Variants in TMPRSS12 observed in about 807,000 individuals in gnomAD.
The protein encoded by TMPRSS12 is transmembrane protease serine 12.
Under a neutral mutation model 26.0 loss-of-function variants are expected in TMPRSS12, and 25 were observed. The ratio of observed to expected loss-of-function variants is 0.96; its 90% CI spans 0.70 to 1.34. TMPRSS12 has a LOEUF of 1.34. Ranked by LOEUF, TMPRSS12 falls within the 40% of genes most tolerant of loss-of-function variation. The pLI is 0.00. For synonymous variants in TMPRSS12, 150 were observed against 161.7 expected (o/e 0.93, Z 0.55); for missense variants, 441 against 440.1 (o/e 1.00, Z -0.02).
Position 50,880,966 on chromosome 12 carries a change from C to CTTTTTTTTTTTT in TMPRSS12, c.653-4258_653-4247dup, listed in dbSNP as rs869152225. On this transcript the variant is annotated intron_variant, in intron 3 of 4. Coordinates refer to ENST00000398458, the MANE Select transcript of TMPRSS12 (RefSeq NM_182559.3). ...CTATAGAGACAGGAATCAGTAATTT[C>CTTTTTTTTTTTT]TTTTTTTTTTTTTTTTTTTTTTTTT... is the stretch of plus-strand genomic sequence containing the variant. Among the ~76,000 whole-genome samples the CTTTTTTTTTTTT allele has an allele frequency of 4.4e-4, 27 of 61,800 alleles. 1 individual carries two copies. Among genetic ancestry groups the CTTTTTTTTTTTT allele is most frequent in the Non-Finnish European group, 5.7e-4 (20 of 34,862 alleles). 40.5% of individuals were successfully genotyped at this position (61,800 alleles called of 152,430 possible). A position where few individuals can be genotyped will look rare whatever the true frequency, so the allele number is the denominator to read the frequency against.
In TMPRSS12 at chr12:50,887,479, C is replaced by G. The variant is rs929182892; in HGVS notation, c.1013C>G (p.Ala338Gly). 4.3e-5 allele frequency: 70 copies of G among 1,613,458 alleles called. No individual in the cohort carries two copies. Among genetic ancestry groups the G allele is most frequent in the Non-Finnish European group, 5.3e-5 (63 of 1,179,756 alleles). The change falls in exon 5 of 5, where the codon GCT becomes GGT. Residue 338 changes from alanine to glycine, a missense_variant. By Grantham distance (60) the Ala-to-Gly change is moderately conservative. Transcript: ENST00000398458. The stretch of plus-strand genomic sequence containing the variant: ...ATTTTACGTGGCCAGATCCTCATAG[C>G]TTTATGTTTTGTCATCTTACTAGCA... ...INILRGQILI[A>G]LCFVILLATT
chr12:50,870,707 A>T (rs1938034181), intron 3 of TMPRSS12, among the ~76,000 whole-genome samples: 1 of 152,294 alleles, frequency 6.6e-6, no homozygotes, highest in Admixed American at 6.5e-5. Flanking sequence ...AAAACCCTAA[A>T]GACTCCTCCA....
chr12:50,879,643 T>C (rs1196562429), intron 3 of TMPRSS12, among the ~76,000 whole-genome samples: 1 of 152,178 alleles, frequency 6.6e-6, no homozygotes, highest in Non-Finnish European at 1.5e-5. Context: ...CATGTGTAAA[T>C]TGTTATCATT....
intron 3 of TMPRSS12, among the ~76,000 whole-genome samples, chr12:50,884,336 G>C (rs1456020565): frequency 2.6e-5 from 4 of 152,190 alleles, no homozygotes; most frequent in Non-Finnish European, 5.9e-5. Context: ...ATTAGTCACA[G>C]ATGATGTAAC....
chr12:50,876,150 T>G (rs1206746500), intron 3 of TMPRSS12, among the ~76,000 whole-genome samples: 3 of 151,888 alleles, frequency 2.0e-5, no homozygotes, highest in East Asian at 1.9e-4. Context: ...CATGAAAAAA[T>G]GTTAAACATC....
chr12:50,866,038 G>A (rs1247106082), intron 3 of TMPRSS12, among the ~76,000 whole-genome samples: 1 of 152,172 alleles, frequency 6.6e-6, no homozygotes, highest in Non-Finnish European at 1.5e-5. Context: ...ATGGCAGATG[G>A]GAGCCAGAAC....
intron 4 of TMPRSS12, 171 bp downstream of exon 4, chr12:50,885,559 C>G: frequency 1.2e-6 from 1 of 818,786 alleles, no homozygotes; most frequent in South Asian, 1.5e-5. Context: ...GTTCCTGATT[C>G]CATGGTTTCT....
chr12:50,884,666 G>A (rs1429221633), intron 3 of TMPRSS12, among the ~76,000 whole-genome samples: 2 of 152,078 alleles, frequency 1.3e-5, no homozygotes, highest in African/African-American at 4.8e-5. Flanking sequence ...GAAGTCAGGA[G>A]TTCGAGAACA....
chr12:50,844,974 G>A (rs1277819799), intron 2 of TMPRSS12, among the ~76,000 whole-genome samples: 1 of 152,158 alleles, frequency 6.6e-6, no homozygotes, highest in East Asian at 1.9e-4. Context: ...ATCACTTGAG[G>A]CCAGGAGTTT....
At chr12:50,844,553 T>C (rs1257880321) in intron 2 of TMPRSS12, among the ~76,000 whole-genome samples, 2 of 152,026 alleles carry the variant, frequency 1.3e-5, no homozygotes, top group Admixed American at 6.5e-5. Flanking sequence ...TTTGTATTTT[T>C]AGTAGAAAAG....
intron 2 of TMPRSS12, among the ~76,000 whole-genome samples, chr12:50,844,594 T>C (rs1937750449): frequency 6.6e-6 from 1 of 152,046 alleles, no homozygotes; most frequent in Non-Finnish European, 1.5e-5. Context: ...AGGCTGGTCT[T>C]GAACTCTTAA....
chr12:50,874,429 T>G (rs1010250211), intron 3 of TMPRSS12, among the ~76,000 whole-genome samples: 1 of 152,030 alleles, frequency 6.6e-6, no homozygotes, highest in African/African-American at 2.4e-5. Context: ...ATCAATAAAA[T>G]AAAATAAAGC....
At chr12:50,866,790 T>G (rs544479648) in intron 3 of TMPRSS12, among the ~76,000 whole-genome samples, 1 of 152,178 alleles carries the variant, frequency 6.6e-6, no homozygotes, top group Admixed American at 6.5e-5. Flanking sequence ...GACCCATAGA[T>G]AGTTCACATC....
At chr12:50,861,116 C>T (rs183555444) in intron 3 of TMPRSS12, among the ~76,000 whole-genome samples, 6 of 152,226 alleles carry the variant, frequency 3.9e-5, no homozygotes, top group African/African-American at 1.2e-4. Context: ...GTTATTTTTA[C>T]CCCATTTAAC....
rs1443699437 is a variant in TMPRSS12 at position 50,843,093 on chromosome 12, G to C, written c.129G>C (p.Gln43His). The C allele has an allele frequency of 6.3e-7, 1 of 1,582,128 alleles. No individual in the cohort carries two copies. ...CGGAACCGGCGGCTAGTTCCCAGCA[G>C]GCTGAGGCCGTCCGCAAGAGGCTCC... is the stretch of plus-strand genomic sequence containing the variant. ...PSPEPAASSQ[Q>H]AEAVRKRLRR... Residue 43 changes from glutamine to histidine, a missense_variant, in exon 1 of 5, where the codon CAG becomes CAC. Physicochemically the swap from Gln to His is conservative, Grantham distance 24 (BLOSUM62 0). Transcript: ENST00000398458.
chr12:50,847,163 A>G (rs536175228), intron 2 of TMPRSS12, among the ~76,000 whole-genome samples: 2,315 of 145,716 alleles, frequency 0.016, 52 homozygotes, highest in African/African-American at 0.055. Flanking sequence ...GGTTCAGGCC[A>G]TTCTCCTGCC....
chr12:50,880,890 A>G (rs1331097268), intron 3 of TMPRSS12, among the ~76,000 whole-genome samples: 2 of 151,988 alleles, frequency 1.3e-5, no homozygotes, highest in African/African-American at 2.4e-5. Flanking sequence ...TATATACAAA[A>G]GACTACAAAT....
chr12:50,877,263 C>T (rs1228238460), intron 3 of TMPRSS12, among the ~76,000 whole-genome samples: 1 of 152,048 alleles, frequency 6.6e-6, no homozygotes, highest in African/African-American at 2.4e-5. Context: ...GAAGCTTAAA[C>T]TGATAAAGAG....
At chr12:50,847,181 C>T (rs748588031) in intron 2 of TMPRSS12, among the ~76,000 whole-genome samples, 5 of 151,654 alleles carry the variant, frequency 3.3e-5, no homozygotes, top group Non-Finnish European at 7.4e-5. Flanking sequence ...GCCTCAGCCT[C>T]CCGCGTAGCT....
Sources: gnomAD v4.1 joint callset for allele counts (sites outside exome capture counted in the v4.1 genomes callset) on GRCh38, gnomAD v4.1.1 for gene constraint, MANE v1.5 for transcripts, NCBI Gene and HGNC (gene_info 2026-07-23, HGNC 2026-07-21) for gene names.